Variants in DGCR8 observed in about 807,000 individuals in gnomAD.
DGCR8 encodes the protein DGCR8 microprocessor complex subunit.
In DGCR8, 14 loss-of-function variants were observed where a neutral mutation model predicts 78.5. The observed-to-expected ratio is 0.18, with a 90% confidence interval of 0.12 to 0.28. The LOEUF is 0.28. DGCR8 is among the 10% of genes least tolerant of loss of function. DGCR8 has a pLI of 1.00. For missense variants in DGCR8, 702 were observed against 1,022.5 expected (o/e 0.69, Z 4.28); for synonymous variants, 399 against 402.4 (o/e 0.99, Z 0.10).
Position 20,086,114 on chromosome 22 carries a change from G to A in DGCR8, c.151G>A (p.Val51Ile). ...GTCCAGTGGTGCAGAGGTAATGGAC[G>A]TTGGCTCTGGTGGTGATGGACAGTC... ...QTSSGAEVMDVGSGGDGQSEL... is the reference protein window; with the variant it reads ...QTSSGAEVMDIGSGGDGQSEL... The change falls in exon 2 of 14, where the codon GTT (valine) becomes ATT (isoleucine). Residue 51 changes from valine to isoleucine, a missense_variant. Around this residue, in one of 4 missense-constraint regions of DGCR8, gnomAD observed 356 missense variants for 448.9 expected, o/e 0.79. Transcript: ENST00000351989. This position sits in a 1 kb window ranked among gnomAD's most constrained non-coding sequence, Gnocchi z 6.4. 2 of 1,614,178 alleles carry A rather than the reference G, an allele frequency of 1.2e-6. No homozygotes were observed. The highest frequency in any genetic ancestry group is 1.7e-6 in the Non-Finnish European group (2 of 1,180,034).
rs116901396 is a variant in DGCR8, at chr22:20,095,051, A to G, written c.1788+256A>G. On this transcript the variant is annotated intron_variant, in intron 9 of 13. Coordinates refer to ENST00000351989, the MANE Select transcript of DGCR8 (RefSeq NM_022720.7). ...TTGCAGCATTGAGTGTGCACCGTAA[A>G]TGTCGGGTACACATAGGTTTGTGAT... 3.7e-4 allele frequency among the ~76,000 whole-genome samples: 56 copies of G among 152,268 alleles called. 2 individuals are homozygous for G. The East Asian group carries it at 0.011, about 29-fold the overall frequency.
At chr22:20,094,952 A>G (rs1453164475) in intron 9 of DGCR8, among the ~76,000 whole-genome samples, 157 bp downstream of exon 9, 1 of 152,108 alleles carries the variant, frequency 6.6e-6, no homozygotes, top group African/African-American at 2.4e-5. Flanking sequence ...TTTGTATTTC[A>G]TAAAGAGGAA....
chr22:20,080,532 C>T, intron 1 of DGCR8, 149 bp downstream of exon 1: 2 of 975,098 alleles, frequency 2.1e-6, no homozygotes, highest in Non-Finnish European at 2.4e-6. Context: ...GGCAACATGG[C>T]CGCGGGCGGT....
chr22:20,107,211 G>A, intron 11 of DGCR8, 60 bp from the exon 12 acceptor site: 2 of 1,609,576 alleles, frequency 1.2e-6, no homozygotes, highest in Non-Finnish European at 8.5e-7. Flanking sequence ...AGCGGCAGGG[G>A]GCCCCATGAG....
In DGCR8 at chr22:20,107,312, A is replaced by G. The variant is rs772305021; in HGVS notation, c.2038A>G (p.Ile680Val). ...TGGAAAGCAGTTAGCCTCACAGAAG[A>G]TCCTTCAGCTGCTGCACCCACATGT... is the stretch of plus-strand genomic sequence containing the variant. ...RVGKQLASQK[I>V]LQLLHPHVKN... The change falls in exon 12 of 14, where the codon ATC becomes GTC. Residue 680 changes from isoleucine to valine, a missense_variant. Coordinates refer to ENST00000351989, the MANE Select transcript of DGCR8 (RefSeq NM_022720.7). 1.2e-6 allele frequency: 2 copies of G among 1,614,122 alleles called. No homozygotes were observed. The highest frequency in any genetic ancestry group is 3.3e-5 in the Admixed American group (2 of 60,024).
rs1428090289 is a variant in DGCR8 at position 20,089,693 on chromosome 22, C to T, written c.905C>T (p.Pro302Leu). The stretch of plus-strand genomic sequence containing the variant: ...GGTCGTGGCCGCCCACCTACAGAGC[C>T]GCTGCCCGACGGGTGGATCATGACA... Reference protein sequence around the residue: ...LKSRGRPPTEPLPDGWIMTFH... With the variant: ...LKSRGRPPTELLPDGWIMTFH... Residue 302 changes from proline to leucine, a missense_variant, in exon 4 of 14, where the codon CCG becomes CTG. Physicochemically the swap from Pro to Leu is moderately conservative, Grantham distance 98 (BLOSUM62 -3). Transcript: ENST00000351989. The surrounding 1 kb of genome is among the most constrained non-coding windows in gnomAD (Gnocchi z 4.9). The T allele has an allele frequency of 1.9e-6, 3 of 1,613,792 alleles. No homozygotes were observed. The highest frequency in any genetic ancestry group is 2.5e-6 in the Non-Finnish European group (3 of 1,180,014).
Position 20,108,914 on chromosome 22 carries a change from G to T in DGCR8, c.2149G>T (p.Glu717Ter). Residue 717 changes from glutamate to a stop codon, truncating the protein, a stop_gained, in exon 13 of 14, where the codon GAG (glutamate) becomes TAG (stop). Transcript: ENST00000351989. LOFTEE classifies it high-confidence loss of function. ...GGAGACATCGGACAAGAGTGTGATT[G>T]AGCTGCAGCAGTATGCCAAGAAGAA... ...KQETSDKSVIELQQYAKKNKP... is the reference protein window; with the variant it reads ...KQETSDKSVI The T allele has an allele frequency of 1.2e-6, 2 of 1,604,490 alleles. No homozygotes were observed. Among genetic ancestry groups the T allele is most frequent in the South Asian group, 2.2e-5 (2 of 90,836 alleles).
chr22:20,099,031 C>G (rs1364305667), intron 9 of DGCR8, among the ~76,000 whole-genome samples: 2 of 152,170 alleles, frequency 1.3e-5, no homozygotes, highest in Admixed American at 6.5e-5. Context: ...TCTCCTGATG[C>G]TTGGACAGGG....
rs2049493449 is a variant in DGCR8 at position 20,087,068 on chromosome 22, C to T, written c.721-94C>T. ...CATCTAGGCCCCCTGAGAGCACCTC[C>T]TTTCTGTGTCTGTTCTCAGGAATGC... is the stretch of plus-strand genomic sequence containing the variant. On this transcript the variant is annotated intron_variant, in intron 2 of 13. Transcript: ENST00000351989. This position sits in a 1 kb window ranked among gnomAD's most constrained non-coding sequence, Gnocchi z 4.1. 11 of 1,493,378 alleles carry T rather than the reference C, an allele frequency of 7.4e-6. No homozygotes were observed. Among genetic ancestry groups the T allele is most frequent in the Non-Finnish European group, 9.9e-6 (11 of 1,108,952 alleles). 92.5% of individuals were successfully genotyped at this position (1,493,378 alleles called of 1,614,324 possible).
rs748916061 is a variant in DGCR8 at position 20,086,274 on chromosome 22, C to T, written c.311C>T (p.Ala104Val). 38 of 1,614,050 alleles carry T rather than the reference C, an allele frequency of 2.4e-5. No individual in the cohort carries two copies. The highest frequency in any genetic ancestry group is 4.5e-5 in the East Asian group (2 of 44,890). The change falls in exon 2 of 14, where the codon GCG becomes GTG. Residue 104 changes from alanine (A) to valine (V), a missense_variant. By Grantham distance (64) the Ala-to-Val change is moderately conservative (BLOSUM62 0). Transcript: ENST00000351989. This position sits in a 1 kb window ranked among gnomAD's most constrained non-coding sequence, Gnocchi z 6.4. ...CCGCGCACCGCCCGGCACGCACCTGCGGTCCGGAAGTTCTCCCCTGACCTT... is the reference window on the plus strand; with the variant it reads ...CCGCGCACCGCCCGGCACGCACCTGTGGTCCGGAAGTTCTCCCCTGACCTT... Reference protein sequence around the residue: ...HSPRTARHAPAVRKFSPDLKL... With the variant: ...HSPRTARHAPVVRKFSPDLKL...
chr22:20,110,326 G>A lies in DGCR8; in HGVS notation c.*218G>A, dbSNP rs2049823337. The A allele has an allele frequency of 1.8e-6, 1 of 555,112 alleles. No homozygotes were observed. The highest frequency in any genetic ancestry group is 2.3e-5 in the South Asian group (1 of 42,794). The allele number at this position is 555,112 out of a possible 1,614,324, so 34.4% of individuals were successfully genotyped here. A position where few individuals can be genotyped will look rare whatever the true frequency, so the allele number is the denominator to read the frequency against. ...AGCGGCTCTCCCTGGAAAGCTCCAG[G>A]CCTGAATGGATGGACTCAGCGACTG... On this transcript the variant is annotated 3_prime_UTR_variant, in exon 14 of 14. Coordinates refer to ENST00000351989, the MANE Select transcript of DGCR8 (RefSeq NM_022720.7).
intron 1 of DGCR8, among the ~76,000 whole-genome samples, chr22:20,082,590 A>G (rs2049430919): frequency 6.7e-6 from 1 of 148,942 alleles, no homozygotes; most frequent in African/African-American, 2.5e-5. Flanking sequence ...GGTGGTGTCG[A>G]TCTCCTGACC....
At position 20,111,602 on chromosome 22, in the gene DGCR8, C is replaced by G. The variant is rs1051212117; in HGVS notation, c.*1494C>G. On this transcript the variant is annotated 3_prime_UTR_variant, in exon 14 of 14. Transcript: ENST00000351989. ...AGCCAGATGCGCCTGTGAACCAAAG[C>G]TTCGTGCACATGTGTTCCCCTAAAG... 1.0e-5 allele frequency: 4 copies of G among 388,750 alleles called. No individual in the cohort carries two copies. The Admixed American group carries it at 1.8e-4, about 17-fold the overall frequency. The allele number at this position is 388,750 out of a possible 1,614,324, so 24.1% of individuals were successfully genotyped here.
chr22:20,109,957 C>T, intron 13 of DGCR8, 68 bp from the exon 14 acceptor site: 2 of 1,491,622 alleles, frequency 1.3e-6, no homozygotes, highest in South Asian at 1.1e-5. Context: ...TCTCCCTCCA[C>T]CTTGTGTCTT....
intron 1 of DGCR8, among the ~76,000 whole-genome samples, chr22:20,083,918 CTG>C (rs1190760502): frequency 6.6e-6 from 1 of 152,216 alleles, no homozygotes; most frequent in African/African-American, 2.4e-5. Flanking sequence ...GTTGTTAGCT[CTG>C]TGCTGTGTTT....
chr22:20,107,250 G>C, intron 11 of DGCR8, 21 bp from the exon 12 acceptor site: 2 of 1,614,052 alleles, frequency 1.2e-6, no homozygotes, highest in Middle Eastern at 3.3e-4. Context: ...CCCTCTCCAT[G>C]CTTGCTCTTT....
intron 12 of DGCR8, 130 bp from the exon 13 acceptor site, chr22:20,108,760 C>CT: frequency 1.5e-6 from 1 of 686,356 alleles, no homozygotes; most frequent in Admixed American, 1.9e-5. Context: ...GCCACAGCTC[C>CT]TGGCTGTTTC....
chr22:20,086,054 C>T lies in DGCR8; in HGVS notation c.91C>T (p.Pro31Ser). The change falls in exon 2 of 14, where the codon CCC becomes TCC. Residue 31 changes from proline to serine, a missense_variant. By Grantham distance (74) the Pro-to-Ser change is moderately conservative. Coordinates refer to ENST00000351989, the MANE Select transcript of DGCR8 (RefSeq NM_022720.7). The surrounding 1 kb of genome is among the most constrained non-coding windows in gnomAD (Gnocchi z 6.4). ...ESRARPFQAL[P>S]REQSPPPPLQ... Reference sequence around the variant, plus strand: ...CCGAGCTCGCCCCTTCCAAGCGCTGCCCCGTGAGCAGTCTCCACCACCTCC... The same window carrying T: ...CCGAGCTCGCCCCTTCCAAGCGCTGTCCCGTGAGCAGTCTCCACCACCTCC... 1.2e-6 allele frequency: 2 copies of T among 1,614,016 alleles called. No homozygotes were observed. The highest frequency in any genetic ancestry group is 1.7e-6 in the Non-Finnish European group (2 of 1,180,032).
At chr22:20,080,411 C>G in intron 1 of DGCR8, 28 bp downstream of exon 1, 1 of 965,112 alleles carries the variant, frequency 1.0e-6, no homozygotes, top group Non-Finnish European at 1.2e-6. Context: ...GGGGCGCCCG[C>G]GGGCGGTTGG....
Sources: gnomAD v4.1 joint callset for allele counts (sites outside exome capture counted in the v4.1 genomes callset) on GRCh38, gnomAD v4.1.1 for gene constraint, gnomAD v4.1.1 regional missense constraint, Gnocchi (gnomAD v3.1) non-coding constraint, MANE v1.5 for transcripts, NCBI Gene and HGNC (gene_info 2026-07-23, HGNC 2026-07-21) for gene names.